Variants in SPACA3 observed in about 807,000 individuals in gnomAD.
SPACA3 encodes sperm acrosome associated 3.
Under a neutral mutation model 24.5 loss-of-function variants are expected in SPACA3, and 21 were observed. That is an observed-to-expected ratio of 0.86 (90% CI 0.61 to 1.24). The LOEUF is 1.24. SPACA3 is among the 50% of genes most tolerant of loss of function. The probability of loss-of-function intolerance (pLI) is 0.00; values close to 1 mark genes in which losing one functional copy is unlikely to be tolerated. For missense variants in SPACA3, 278 were observed against 275.5 expected (o/e 1.01, Z -0.06); for synonymous variants, 115 against 106.9 (o/e 1.08, Z -0.47).
intron 1 of SPACA3, among the ~76,000 whole-genome samples, chr17:32,994,908 G>A (rs1198849708): frequency 6.6e-6 from 1 of 152,204 alleles, no homozygotes; most frequent in Admixed American, 6.5e-5. Context: ...GTGGTGGTGG[G>A]GGTGGAGGAG....
intron 4 of SPACA3, 47 bp from the exon 5 acceptor site, chr17:32,997,665 A>C: frequency 6.3e-7 from 1 of 1,595,776 alleles, no homozygotes; most frequent in Non-Finnish European, 8.6e-7. Flanking sequence ...GGTGACTGGC[A>C]ACTGCAGCTG....
At chr17:32,993,582 A>G (rs2091704350) in intron 1 of SPACA3, among the ~76,000 whole-genome samples, 2 of 152,134 alleles carry the variant, frequency 1.3e-5, no homozygotes, top group Non-Finnish European at 2.9e-5. Context: ...GAGAGCTCCC[A>G]TGAGACAGAG....
At chr17:32,993,396 C>CAGG (rs577890138) in intron 1 of SPACA3, among the ~76,000 whole-genome samples, 6 of 152,066 alleles carry the variant, frequency 3.9e-5, no homozygotes, top group Admixed American at 6.5e-5. Context: ...GGGCTCAAGG[C>CAGG]AGGAAGGCCT....
At chr17:32,992,936 G>A (rs531517808) in intron 1 of SPACA3, 7 of 471,152 alleles carry the variant, frequency 1.5e-5, no homozygotes, top group South Asian at 4.6e-5. Context: ...TCTGATGGAT[G>A]TGTATAGAAT....
intron 1 of SPACA3, among the ~76,000 whole-genome samples, chr17:32,994,763 C>T (rs2091711596): frequency 6.6e-6 from 1 of 152,154 alleles, no homozygotes; most frequent in Non-Finnish European, 1.5e-5. Context: ...GATGCTGTGA[C>T]ACCCAGGTGC....
chr17:32,997,390 C>A (rs1180483606), intron 3 of SPACA3, 55 bp from the exon 4 acceptor site: 17 of 1,430,518 alleles, frequency 1.2e-5, no homozygotes, highest in Non-Finnish European at 1.5e-5. Flanking sequence ...CACACACACA[C>A]ACACACCTGG....
Position 32,997,514 on chromosome 17 carries a change from T to C in SPACA3, c.572T>C (p.Leu191Pro). 2.5e-6 allele frequency: 4 copies of C among 1,614,030 alleles called. No homozygotes were observed. Among genetic ancestry groups the C allele is most frequent in the Non-Finnish European group, 3.4e-6 (4 of 1,179,912 alleles). Residue 191 changes from leucine (L) to proline (P), a missense_variant, in exon 4 of 5, where the codon CTG (leucine) becomes CCG (proline). By Grantham distance (98) the Leu-to-Pro change is moderately conservative. Transcript: ENST00000269053. ...AMKITQEPQG[L>P]GYWEAWRHHC... ...AAGATAACCCAAGAGCCTCAGGGTC[T>C]GGGTTACTGGTAAGTAACTTGGGCT...
chr17:32,992,235 A>G (rs1399092054), intron 1 of SPACA3, among the ~76,000 whole-genome samples: 1 of 151,418 alleles, frequency 6.6e-6, no homozygotes, highest in East Asian at 1.9e-4. Context: ...TGTAGCAGTC[A>G]ATTTAGTTTC....
intron 3 of SPACA3, 51 bp from the exon 4 acceptor site, chr17:32,997,394 C>T (rs2091729462): frequency 1.4e-6 from 2 of 1,468,836 alleles, no homozygotes; most frequent in East Asian, 2.3e-5. Flanking sequence ...CACACACACA[C>T]ACCTGGATGT....
rs1375496985 is a variant in SPACA3, at chr17:32,991,927, G to C, written c.-12G>C. On this transcript the variant is annotated 5_prime_UTR_variant, in exon 1 of 5. Transcript: ENST00000269053. ...AGGGTTTTGAGCCACTGCTGCTGCT[G>C]CCATTGTCACCATGGTCTCAGCTCT... 1 of 1,613,898 alleles carries C rather than the reference G, an allele frequency of 6.2e-7. No individual in the cohort carries two copies. Among genetic ancestry groups the C allele is most frequent in the African/African-American group, 1.3e-5 (1 of 74,878 alleles).
chr17:32,997,643 TC>T (rs2151129414), intron 4 of SPACA3, 68 bp from the exon 5 acceptor site: 1 of 1,570,406 alleles, frequency 6.4e-7, no homozygotes, highest in East Asian at 2.2e-5. Flanking sequence ...TCCTTCTTGT[TC>T]TTCTCTGGGC....
rs111922885 is a variant in SPACA3 at position 32,997,344 on chromosome 17, TAGAG to T, written c.503-87_503-84del. 180 of 604,226 alleles carry T rather than the reference TAGAG, an allele frequency of 3.0e-4. 2 individuals carry two copies. Among genetic ancestry groups the T allele is most frequent in the Admixed American group, 6.1e-4 (23 of 37,740 alleles). The allele number at this position is 604,226 out of a possible 1,614,324, so 37.4% of individuals were successfully genotyped here. ...GTGTGTGTGTGTGTGTGTGTGTGTG[TAGAG>T]AGAGAGAGAGAGACAGACAGATACA... On this transcript the variant is annotated intron_variant, in intron 3 of 4. Coordinates refer to ENST00000269053, the MANE Select transcript of SPACA3 (RefSeq NM_173847.5).
intron 1 of SPACA3, 63 bp from the exon 2 acceptor site, chr17:32,995,346 G>A: frequency 2.7e-6 from 4 of 1,470,408 alleles, no homozygotes; most frequent in East Asian, 2.3e-5. Flanking sequence ...ATGCAAGGGG[G>A]CTGATACGTG....
chr17:32,997,342 TGTAG>T (rs1042998719), intron 3 of SPACA3, 99 bp from the exon 4 acceptor site: 232 of 735,096 alleles, frequency 3.2e-4, no homozygotes, highest in Non-Finnish European at 4.1e-4. Context: ...TGTGTGTGTG[TGTAG>T]AGAGAGAGAG....
intron 1 of SPACA3, among the ~76,000 whole-genome samples, chr17:32,994,750 C>CCT (rs932719381): frequency 2.0e-5 from 3 of 152,088 alleles, no homozygotes; most frequent in African/African-American, 7.2e-5. Context: ...ATGAAGGAGC[C>CCT]CTGATGCTGT....
intron 1 of SPACA3, among the ~76,000 whole-genome samples, chr17:32,993,551 G>A (rs2091704136): frequency 6.6e-6 from 1 of 152,180 alleles, no homozygotes; most frequent in Non-Finnish European, 1.5e-5. Context: ...ACAGCGGGTG[G>A]CGGACGGCAT....
chr17:32,992,080 T>G, intron 1 of SPACA3, 108 bp downstream of exon 1: 1 of 1,188,786 alleles, frequency 8.4e-7, no homozygotes, highest in South Asian at 1.3e-5. Context: ...GGGGTTATCC[T>G]GGCCTGGAAG....
intron 2 of SPACA3, 48 bp from the exon 3 acceptor site, chr17:32,996,795 G>A (rs994019851): frequency 2.7e-6 from 4 of 1,457,510 alleles, no homozygotes; most frequent in Non-Finnish European, 2.7e-6. Flanking sequence ...CCTGGTCTGG[G>A]GTGGCTGTAA....
At chr17:32,995,045 C>A (rs557339190) in intron 1 of SPACA3, among the ~76,000 whole-genome samples, 1 of 152,248 alleles carries the variant, frequency 6.6e-6, no homozygotes, top group Admixed American at 6.5e-5. Flanking sequence ...GGGTCAATGC[C>A]AGAAGGGCTG....
Sources: allele counts gnomAD v4.1 joint callset (sites outside exome capture counted in the v4.1 genomes callset), GRCh38; gene constraint gnomAD v4.1.1; transcripts MANE v1.5; gene names NCBI Gene and HGNC (gene_info 2026-07-23, HGNC 2026-07-21).